AGBL4: variants seen among roughly 807,000 people sequenced by gnomAD.
AGBL4 encodes the protein AGBL carboxypeptidase 4, also known as cytosolic carboxypeptidase 6.
A neutral mutation model predicts 66.4 loss-of-function variants in AGBL4; 58 were observed. The observed-to-expected ratio is 0.87, with a 90% CI of 0.71 to 1.09. The LOEUF (loss-of-function observed/expected upper bound fraction) is 1.09, where lower values mean the gene tolerates loss of function less well. AGBL4 is among the 50% of genes least tolerant of loss of function. The pLI is 0.00. For synonymous variants in AGBL4, 234 were observed against 222.9 expected (o/e 1.05, Z -0.44); for missense variants, 579 against 631.0 (o/e 0.92, Z 0.88).
intron 1 of AGBL4, among the ~76,000 whole-genome samples, chr1:49,870,503 A>G (rs1435008093): frequency 6.6e-6 from 1 of 150,612 alleles, no homozygotes; most frequent in Non-Finnish European, 1.5e-5. Context: ...ATTCTCAATG[A>G]TATGATTATT....
chr1:49,494,072 T>C (rs1306672846), intron 3 of AGBL4, among the ~76,000 whole-genome samples: 1 of 151,994 alleles, frequency 6.6e-6, no homozygotes, highest in East Asian at 1.9e-4. Context: ...CTAACCTCAG[T>C]TCTTACAGGA....
At chr1:48,739,065 CAA>C (rs1412982452) in intron 6 of AGBL4, among the ~76,000 whole-genome samples, 3 of 152,182 alleles carry the variant, frequency 2.0e-5, no homozygotes, top group Admixed American at 6.5e-5. Context: ...TGATGTAGAT[CAA>C]AGACAGCAGA....
At chr1:49,030,736 C>T (rs1262390566) in intron 5 of AGBL4, among the ~76,000 whole-genome samples, 4 of 150,572 alleles carry the variant, frequency 2.7e-5, no homozygotes, top group Non-Finnish European at 4.4e-5. Flanking sequence ...AAACTAGTCC[C>T]TGGTGCCAAA....
At chr1:48,679,511 TCCA>T (rs143422938) in intron 6 of AGBL4, among the ~76,000 whole-genome samples, 9,977 of 152,166 alleles carry the variant, frequency 0.066, 1,081 homozygotes, top group African/African-American at 0.23. Context: ...ATCTATCCTC[TCCA>T]CCTCTCCCTC....
intron 4 of AGBL4, among the ~76,000 whole-genome samples, chr1:49,197,175 T>G (rs975295925): frequency 6.6e-6 from 1 of 152,172 alleles, no homozygotes; most frequent in Non-Finnish European, 1.5e-5. Flanking sequence ...GTGTTGTACA[T>G]TCAGTGGCAA....
At chr1:49,136,321 AAAGTC>A (rs1420114226) in intron 4 of AGBL4, among the ~76,000 whole-genome samples, 1 of 152,174 alleles carries the variant, frequency 6.6e-6, no homozygotes, top group Non-Finnish European at 1.5e-5. Context: ...TCCTGAAAAC[AAAGTC>A]TTATTAGTCC....
chr1:49,043,565 T>A (rs956547710), intron 5 of AGBL4, among the ~76,000 whole-genome samples: 3 of 152,204 alleles, frequency 2.0e-5, no homozygotes, highest in Non-Finnish European at 4.4e-5. Flanking sequence ...CCACACCTTG[T>A]AAATAACCCA....
intron 2 of AGBL4, among the ~76,000 whole-genome samples, chr1:49,756,858 C>T (rs1407159710): frequency 1.3e-5 from 2 of 152,012 alleles, no homozygotes; most frequent in African/African-American, 4.8e-5. Flanking sequence ...AATTAAACCT[C>T]TTTCCTTTAT....
At chr1:49,912,768 G>A (rs190040190) in intron 1 of AGBL4, among the ~76,000 whole-genome samples, 8 of 152,260 alleles carry the variant, frequency 5.3e-5, no homozygotes, top group African/African-American at 1.9e-4. Flanking sequence ...TGGCTCAACA[G>A]TTCTGTAGGC....
chr1:49,993,927 A>T (rs1299137150), intron 1 of AGBL4, among the ~76,000 whole-genome samples: 8 of 152,222 alleles, frequency 5.3e-5, no homozygotes, highest in Non-Finnish European at 1.2e-4. Flanking sequence ...CTTTTACCAG[A>T]ATCATTCCCA....
chr1:49,459,073 T>C (rs1190973355), intron 3 of AGBL4, among the ~76,000 whole-genome samples: 1 of 151,538 alleles, frequency 6.6e-6, no homozygotes, highest in Non-Finnish European at 1.5e-5. Flanking sequence ...TTATTTCTTG[T>C]TAATTGCTTC....
intron 6 of AGBL4, chr1:48,776,880 G>C: frequency 7.5e-7 from 1 of 1,327,760 alleles, no homozygotes; most frequent in East Asian, 3.1e-5. Flanking sequence ...CCCGCGGGGC[G>C]GGCGCGGAGG....
chr1:49,998,568 C>A (rs138839620), intron 1 of AGBL4, among the ~76,000 whole-genome samples: 1 of 152,124 alleles, frequency 6.6e-6, no homozygotes, highest in Non-Finnish European at 1.5e-5. Flanking sequence ...AAAGAGGTAA[C>A]CCTCCCTAAA....
At chr1:48,585,138 TTGGGCCTGAACCAAGGG>T (rs1356162218) in intron 11 of AGBL4, 1 of 152,210 alleles carries the variant, frequency 6.6e-6, no homozygotes, top group African/African-American at 2.4e-5. Flanking sequence ...GGTGGAAACC[TTGGGCCTGAACCAAGGG>T]TGGGCTTTCT....
At chr1:48,858,484 A>G (rs1647239062) in intron 6 of AGBL4, among the ~76,000 whole-genome samples, 1 of 152,230 alleles carries the variant, frequency 6.6e-6, no homozygotes, top group Non-Finnish European at 1.5e-5. Flanking sequence ...ATGTAATACT[A>G]TTTGGCAAGA....
At chr1:49,859,169 A>C (rs1017723327) in intron 1 of AGBL4, among the ~76,000 whole-genome samples, 3 of 152,254 alleles carry the variant, frequency 2.0e-5, no homozygotes, top group African/African-American at 7.2e-5. Context: ...AAAGGTTAAC[A>C]TCCCTAAAAG....
intron 4 of AGBL4, among the ~76,000 whole-genome samples, chr1:49,191,673 C>A (rs1188565285): frequency 6.6e-6 from 1 of 152,136 alleles, no homozygotes; most frequent in African/African-American, 2.4e-5. Context: ...TTCATGAATA[C>A]TCAATGTCTG....
intron 1 of AGBL4, among the ~76,000 whole-genome samples, chr1:49,989,484 G>T (rs1408175137): frequency 2.0e-5 from 3 of 152,050 alleles, no homozygotes; most frequent in Non-Finnish European, 4.4e-5. Context: ...CAATACTATA[G>T]GTATAGTTAG....
intron 6 of AGBL4, among the ~76,000 whole-genome samples, chr1:48,782,935 A>C (rs1339032325): frequency 6.6e-6 from 1 of 152,196 alleles, no homozygotes; most frequent in Non-Finnish European, 1.5e-5. Flanking sequence ...CCACCTCAGC[A>C]GCCCCAACCC....
Sources: gnomAD v4.1 joint callset for allele counts (sites outside exome capture counted in the v4.1 genomes callset) on GRCh38, gnomAD v4.1.1 for gene constraint, MANE v1.5 for transcripts, NCBI Gene and HGNC (gene_info 2026-07-23, HGNC 2026-07-21) for gene names.